Variants in RBMS2 observed in about 807,000 individuals in gnomAD.
RBMS2 encodes the protein RNA binding motif single stranded interacting protein 2.
A neutral mutation model predicts 58.4 loss-of-function variants in RBMS2; 38 were observed. The ratio of observed to expected loss-of-function variants is 0.65; its 90% confidence interval spans 0.50 to 0.85. RBMS2 has a LOEUF of 0.85. Among genes scored for constraint, RBMS2 ranks in the 40% least tolerant of loss-of-function variants. The pLI, the probability that RBMS2 is intolerant of heterozygous loss-of-function variation, is 0.00. For missense variants in RBMS2, 367 were observed against 503.7 expected (o/e 0.73, Z 2.60); for synonymous variants, 151 against 180.7 (o/e 0.84, Z 1.32).
At chr12:56,572,837 C>G in intron 5 of RBMS2, 16 of 984,660 alleles carry the variant, frequency 1.6e-5, no homozygotes, top group Non-Finnish European at 1.8e-5. Flanking sequence ...CCTGTGATAT[C>G]AGAGCTTGTG....
At chr12:56,550,245 C>G (rs1878005473) in intron 1 of RBMS2, among the ~76,000 whole-genome samples, 1 of 152,096 alleles carries the variant, frequency 6.6e-6, no homozygotes, top group Admixed American at 6.6e-5. Context: ...AAGGGATAGA[C>G]TAGACCAGGT....
intron 1 of RBMS2, among the ~76,000 whole-genome samples, chr12:56,534,343 C>T (rs1330229646): frequency 6.6e-6 from 1 of 152,082 alleles, no homozygotes; most frequent in East Asian, 1.9e-4. Flanking sequence ...TATATAGTAT[C>T]CTTGTGCTAG....
Position 56,568,886 on chromosome 12 carries a change from G to A in RBMS2, c.234-89G>A, listed in dbSNP as rs992323560. The A allele has an allele frequency of 1.4e-5, 16 of 1,120,908 alleles. No individual in the cohort carries two copies. In the African/African-American group the frequency reaches 2.5e-4, roughly 18 times the overall value. The allele number at this position is 1,120,908 out of a possible 1,614,324, so 69.4% of individuals were successfully genotyped here. On this transcript the variant is annotated intron_variant, in intron 2 of 13. Transcript: ENST00000262031. Reference sequence around the variant, plus strand: ...AGTAGGAAAAGTTAGATCATGGAAAGGGCATGGATTTGTTGAGATGTCTGA... The same window carrying A: ...AGTAGGAAAAGTTAGATCATGGAAAAGGCATGGATTTGTTGAGATGTCTGA...
At position 56,588,847 on chromosome 12, in the gene RBMS2, T is replaced by C. The variant is rs990468338; in HGVS notation, c.1144-85T>C. 10 of 1,316,598 alleles carry C rather than the reference T, an allele frequency of 7.6e-6. No homozygotes were observed. In the African/African-American group the frequency reaches 1.3e-4, roughly 17 times the overall value. The allele number at this position is 1,316,598 out of a possible 1,614,324, so 81.6% of individuals were successfully genotyped here. ...TGGGTAGGTTTGGGAGGGCACTCGA[T>C]GTAGGGTGGGCTTTGGTCAGGCTGC... On this transcript the variant is annotated intron_variant, in intron 12 of 13. Transcript: ENST00000262031.
At position 56,590,544 on chromosome 12, in the gene RBMS2, G is replaced by A. The variant is rs1278353736; in HGVS notation, c.*1411G>A. 1.3e-5 allele frequency: 2 copies of A among 152,220 alleles called. No individual in the cohort carries two copies. The highest frequency in any genetic ancestry group is 2.4e-5 in the African/African-American group (1 of 41,434). 9.4% of individuals were successfully genotyped at this position (152,220 alleles called of 1,614,324 possible). The stretch of plus-strand genomic sequence containing the variant: ...AGACTGGGAAACACTGATATAGACA[G>A]TGTTGTCCCTGCCTCCTGGGTTAGG... On this transcript the variant is annotated 3_prime_UTR_variant, in exon 14 of 14. Coordinates refer to ENST00000262031, the MANE Select transcript of RBMS2 (RefSeq NM_002898.4).
intron 1 of RBMS2, among the ~76,000 whole-genome samples, chr12:56,544,912 A>G (rs766620979): frequency 2.0e-5 from 3 of 151,498 alleles, no homozygotes; most frequent in Non-Finnish European, 2.9e-5. Context: ...ATTTTTTTAA[A>G]CTATGTATTT....
intron 1 of RBMS2, among the ~76,000 whole-genome samples, chr12:56,534,012 C>T (rs913701512): frequency 1.3e-5 from 2 of 152,084 alleles, no homozygotes; most frequent in Non-Finnish European, 2.9e-5. Flanking sequence ...GAAAATCATA[C>T]TGCTAGTGAA....
intron 2 of RBMS2, among the ~76,000 whole-genome samples, chr12:56,567,521 A>G (rs1264642038): frequency 6.6e-6 from 1 of 152,022 alleles, no homozygotes; most frequent in Non-Finnish European, 1.5e-5. Flanking sequence ...ACCAAAATTT[A>G]GATGGTTTTT....
upstream of RBMS2, among the ~76,000 whole-genome samples, chr12:56,521,507 T>TTTTTTTTTTTTTTTTTTTTTTTTC: frequency 7.0e-6 from 1 of 143,720 alleles, no homozygotes; most frequent in African/African-American, 2.7e-5. Flanking sequence ...ACTCTGTTTT[T>TTTTTTTTTTTTTTTTTTTTTTTTC]TTTTTTTTTT....
intron 1 of RBMS2, among the ~76,000 whole-genome samples, chr12:56,561,828 C>T (rs926250829): frequency 7.0e-6 from 1 of 143,192 alleles, no homozygotes; most frequent in African/African-American, 2.6e-5. Flanking sequence ...TCCTGCATTT[C>T]TTTTCCAAAC....
At chr12:56,530,139 C>T (rs1048423024) in intron 1 of RBMS2, among the ~76,000 whole-genome samples, 3 of 152,112 alleles carry the variant, frequency 2.0e-5, no homozygotes, top group Non-Finnish European at 2.9e-5. Flanking sequence ...AACCCCTGGG[C>T]TCAAGCGATC....
At position 56,581,201 on chromosome 12, in the gene RBMS2, A is replaced by C; in HGVS notation, c.560A>C (p.Lys187Thr). Residue 187 changes from lysine (K) to threonine (T), a missense_variant, in exon 6 of 14, where the codon AAG (lysine) becomes ACG (threonine). Coordinates refer to ENST00000262031, the MANE Select transcript of RBMS2 (RefSeq NM_002898.4). ...VGFARMESTE[K>T]CEAIITHFNG... Reference sequence around the variant, plus strand: ...CTCCTTAGGATGGAGTCCACAGAGAAGTGTGAAGCCATCATCACCCACTTT... The same window carrying C: ...CTCCTTAGGATGGAGTCCACAGAGACGTGTGAAGCCATCATCACCCACTTT... 6.2e-7 allele frequency: 1 copy of C among 1,604,444 alleles called. No homozygotes were observed.
intron 1 of RBMS2, among the ~76,000 whole-genome samples, chr12:56,526,508 T>C (rs1443461348): frequency 3.3e-5 from 5 of 151,910 alleles, no homozygotes; most frequent in Non-Finnish European, 7.4e-5. Flanking sequence ...GGCGGACTTT[T>C]TTCTCAGGAA....
intron 1 of RBMS2, among the ~76,000 whole-genome samples, chr12:56,560,991 C>T (rs1880284338): frequency 6.6e-6 from 1 of 152,132 alleles, no homozygotes; most frequent in South Asian, 2.1e-4. Flanking sequence ...ATTTAGTTCC[C>T]ACTTTATAAG....
At chr12:56,566,188 T>C (rs1025264935) in intron 2 of RBMS2, among the ~76,000 whole-genome samples, 1 of 152,180 alleles carries the variant, frequency 6.6e-6, no homozygotes, top group African/African-American at 2.4e-5. Context: ...GAAGTTCTAC[T>C]AAAAAAGTCA....
chr12:56,550,649 C>T (rs142742498), intron 1 of RBMS2, among the ~76,000 whole-genome samples: 1 of 152,092 alleles, frequency 6.6e-6, no homozygotes, highest in African/African-American at 2.4e-5. Context: ...TGACAGCAGC[C>T]TGGCCAACAT....
intron 1 of RBMS2, among the ~76,000 whole-genome samples, chr12:56,539,270 G>A (rs1875626820): frequency 6.6e-6 from 1 of 152,158 alleles, no homozygotes; most frequent in Admixed American, 6.6e-5. Context: ...ACCCACCTCA[G>A]CCTCCCAAAG....
intron 1 of RBMS2, among the ~76,000 whole-genome samples, chr12:56,532,822 T>G (rs1264144220): frequency 6.6e-6 from 1 of 152,228 alleles, no homozygotes; most frequent in Non-Finnish European, 1.5e-5. Context: ...CTAGATTCAT[T>G]GCCTGTAAAT....
At chr12:56,546,712 G>A (rs1239826187) in intron 1 of RBMS2, among the ~76,000 whole-genome samples, 2 of 151,588 alleles carry the variant, frequency 1.3e-5, no homozygotes, top group South Asian at 2.1e-4. Context: ...CAAATGATCC[G>A]ACTGCCTCAG....
Sources: gnomAD v4.1 joint callset for allele counts (sites outside exome capture counted in the v4.1 genomes callset) on GRCh38, gnomAD v4.1.1 for gene constraint, MANE v1.5 for transcripts, NCBI Gene and HGNC (gene_info 2026-07-23, HGNC 2026-07-21) for gene names.